RTL4: variants seen among roughly 807,000 people sequenced by gnomAD.
The protein encoded by RTL4 is retrotransposon Gag like 4, also known as retrotransposon Gag-like protein 4.
Under a neutral mutation model 5.3 loss-of-function variants are expected in RTL4, and 4 were observed. That is an observed-to-expected ratio of 0.75 (90% CI 0.37 to 1.72). The LOEUF is 1.72. Ranked by LOEUF, RTL4 falls within the 40% of genes most tolerant of loss-of-function variation. RTL4 has a pLI of 0.04. For synonymous variants in RTL4, 98 were observed against 87.3 expected (o/e 1.12, Z -0.68); for missense variants, 260 against 227.1 (o/e 1.14, Z -0.93).
At chrX:112,116,045 A>C in the RTL4 span, among the ~76,000 whole-genome samples, 9 of 112,029 alleles carry the variant, frequency 8.0e-5, no homozygotes, top group Admixed American at 8.5e-4. Context: ...GTTAGAGGCA[A>C]ACCAGGCTCC....
the RTL4 span, among the ~76,000 whole-genome samples, chrX:112,272,795 A>AT: frequency 2.8e-4 from 31 of 110,073 alleles, no homozygotes; most frequent in East Asian, 1.1e-3. Flanking sequence ...TTAGACTCTA[A>AT]TTTTTTTTTA....
chrX:112,277,965 AT>A, the RTL4 span, among the ~76,000 whole-genome samples: 1 of 112,192 alleles, frequency 8.9e-6, no homozygotes, highest in African/African-American at 3.2e-5. Context: ...TTGATGTTAT[AT>A]AGAGCACTGT....
chrX:112,394,019 C>T, the RTL4 span, among the ~76,000 whole-genome samples: 108 of 111,257 alleles, frequency 9.7e-4, no homozygotes, highest in African/African-American at 3.4e-3. Flanking sequence ...TATGTGAGAT[C>T]GAAGGCCCTG....
the RTL4 span, among the ~76,000 whole-genome samples, chrX:112,318,944 G>A: frequency 1.2e-3 from 135 of 111,566 alleles, no homozygotes; most frequent in African/African-American, 4.3e-3. Context: ...AGAGGGAGAG[G>A]AAGAGAACAT....
chrX:112,116,457 G>T, the RTL4 span, among the ~76,000 whole-genome samples: 1 of 111,148 alleles, frequency 9.0e-6, no homozygotes, highest in Admixed American at 9.5e-5. Context: ...ACCCAAGCAG[G>T]TTGCCACTAC....
the RTL4 span, among the ~76,000 whole-genome samples, chrX:112,204,908 C>T: frequency 9.0e-6 from 1 of 111,561 alleles, no homozygotes. Flanking sequence ...TGGATTGAAA[C>T]ATCTCATTTC....
At chrX:112,279,413 C>G in the RTL4 span, among the ~76,000 whole-genome samples, 1 of 111,422 alleles carries the variant, frequency 9.0e-6, no homozygotes, top group Non-Finnish European at 1.9e-5. Context: ...AAAATGGAGC[C>G]ATGTTTTTTA....
At chrX:112,259,505 G>A in the RTL4 span, among the ~76,000 whole-genome samples, 4 of 109,940 alleles carry the variant, frequency 3.6e-5, no homozygotes, top group Non-Finnish European at 5.7e-5. Context: ...TGATGCAAAA[G>A]TAATTGCATT....
chrX:112,423,194 T>A, the RTL4 span, among the ~76,000 whole-genome samples: 539 of 110,481 alleles, frequency 4.9e-3, 4 homozygotes, highest in African/African-American at 0.017. Flanking sequence ...TAACCATGTG[T>A]CTGGTGATAG....
chrX:112,173,215 T>A, the RTL4 span, among the ~76,000 whole-genome samples: 1 of 110,910 alleles, frequency 9.0e-6, no homozygotes, highest in Non-Finnish European at 1.9e-5. Flanking sequence ...AACAAATAAA[T>A]AAATAAGTGC....
the RTL4 span, among the ~76,000 whole-genome samples, chrX:112,177,221 A>G: frequency 1.3e-3 from 149 of 111,098 alleles, 4 homozygotes; most frequent in East Asian, 0.028. Context: ...GCATTGCTGG[A>G]TCATATGGTT....
At chrX:112,332,272 G>T in the RTL4 span, among the ~76,000 whole-genome samples, 2 of 110,874 alleles carry the variant, frequency 1.8e-5, no homozygotes, top group East Asian at 2.8e-4. Context: ...AAGACAGTGT[G>T]GCGATTCCTC....
chrX:112,391,771 C>G, the RTL4 span, among the ~76,000 whole-genome samples: 1 of 110,853 alleles, frequency 9.0e-6, no homozygotes, highest in Non-Finnish European at 1.9e-5. Flanking sequence ...TAGATTGTGG[C>G]TTGGCACTCC....
chrX:112,212,330 C>T, the RTL4 span, among the ~76,000 whole-genome samples: 6 of 111,275 alleles, frequency 5.4e-5, no homozygotes, highest in African/African-American at 6.5e-5. Flanking sequence ...TGAGCCGAGA[C>T]GCGCCACTGC....
At chrX:112,378,597 G>A in the RTL4 span, among the ~76,000 whole-genome samples, 1 of 111,715 alleles carries the variant, frequency 9.0e-6, no homozygotes, top group African/African-American at 3.3e-5. Flanking sequence ...ACATATTAAA[G>A]CTCACCAAAA....
chrX:112,225,161 C>A, the RTL4 span, among the ~76,000 whole-genome samples: 1 of 111,749 alleles, frequency 8.9e-6, no homozygotes, highest in Non-Finnish European at 1.9e-5. Context: ...CCAGAGCTTG[C>A]CTGCTTGACT....
At chrX:112,447,166 C>T in the RTL4 span, among the ~76,000 whole-genome samples, 1 of 111,705 alleles carries the variant, frequency 9.0e-6, no homozygotes. Context: ...TAGTTTAAGT[C>T]ACTTGCTCCA....
At chrX:112,122,702 C>T in the RTL4 span, among the ~76,000 whole-genome samples, 13 of 110,430 alleles carry the variant, frequency 1.2e-4, no homozygotes, top group Non-Finnish European at 2.1e-4. Flanking sequence ...GGTAAAGAAA[C>T]GGAAGTTATA....
chrX:112,101,511 T>C, the RTL4 span, among the ~76,000 whole-genome samples: 1 of 110,714 alleles, frequency 9.0e-6, no homozygotes, highest in Non-Finnish European at 1.9e-5. Context: ...AAAGAAGAAA[T>C]GAAACAGAAA....
Sources: allele counts gnomAD v4.1 joint callset (sites outside exome capture counted in the v4.1 genomes callset), GRCh38; gene constraint gnomAD v4.1.1; transcripts MANE v1.5; gene names NCBI Gene and HGNC (gene_info 2026-07-23, HGNC 2026-07-21).